The following ARL17B variants were observed in gnomAD, a reference collection of about 807,000 sequenced individuals.
ARL17B encodes the protein ARF like GTPase 17B, also known as ADP-ribosylation factor-like protein 17.
chr17:46,292,080 C>T (rs1204954297), intron 4 of ARL17B, among the ~76,000 whole-genome samples: 2 of 143,730 alleles, frequency 1.4e-5, no homozygotes, highest in Non-Finnish European at 3.0e-5. Flanking sequence ...ACCTGCAATC[C>T]CAGCACTTTG....
At chr17:46,279,679 A>T (rs1000194431) in intron 4 of ARL17B, among the ~76,000 whole-genome samples, 1 of 151,522 alleles carries the variant, frequency 6.6e-6, no homozygotes, top group Admixed American at 6.6e-5. Flanking sequence ...TGTATTTTGT[A>T]AAGATGGGGT....
chr17:46,276,790 C>CTTTTTTT (rs75549659), intron 4 of ARL17B, among the ~76,000 whole-genome samples: 3 of 134,314 alleles, frequency 2.2e-5, no homozygotes, highest in Non-Finnish European at 3.2e-5. Context: ...TTCTTTTTTT[C>CTTTTTTT]TTTTTTTTTT....
At chr17:46,280,890 T>C (rs2049745130) in intron 4 of ARL17B, among the ~76,000 whole-genome samples, 1 of 152,232 alleles carries the variant, frequency 6.6e-6, no homozygotes, top group Non-Finnish European at 1.5e-5. Flanking sequence ...GCACACGCTT[T>C]TAAAAAATAC....
At chr17:46,340,121 C>T (rs2052468536) in intron 3 of ARL17B, among the ~76,000 whole-genome samples, 1 of 100,576 alleles carries the variant, frequency 9.9e-6, no homozygotes, top group Admixed American at 9.9e-5. Context: ...GTCTGCAGGC[C>T]ATATAGTATT....
At chr17:46,277,159 C>A (rs2049613015) in intron 4 of ARL17B, among the ~76,000 whole-genome samples, 1 of 152,210 alleles carries the variant, frequency 6.6e-6, no homozygotes, top group Non-Finnish European at 1.5e-5. Flanking sequence ...CTCCCATGTG[C>A]TTTATTGAAA....
At chr17:46,291,123 G>A (rs2050053960) in intron 4 of ARL17B, among the ~76,000 whole-genome samples, 1 of 152,200 alleles carries the variant, frequency 6.6e-6, no homozygotes, top group Non-Finnish European at 1.5e-5. Flanking sequence ...TCTATTTATA[G>A]AGAGAGACTG....
chr17:46,279,788 C>G (rs921579556), intron 4 of ARL17B, among the ~76,000 whole-genome samples: 7 of 152,230 alleles, frequency 4.6e-5, no homozygotes, highest in African/African-American at 7.2e-5. Flanking sequence ...AACCACCATT[C>G]CCAGCCAACA....
chr17:46,280,214 A>G (rs1453843138), intron 4 of ARL17B, among the ~76,000 whole-genome samples: 2 of 152,178 alleles, frequency 1.3e-5, no homozygotes, highest in Non-Finnish European at 2.9e-5. Context: ...AAACACAAAA[A>G]TTAGCCAGGT....
intron 3 of ARL17B, among the ~76,000 whole-genome samples, chr17:46,324,081 C>A (rs1280630410): frequency 8.4e-6 from 1 of 118,760 alleles, no homozygotes; most frequent in Non-Finnish European, 1.9e-5. Flanking sequence ...GAGTAGTATT[C>A]CGGTTGTGTG....
intron 4 of ARL17B, among the ~76,000 whole-genome samples, chr17:46,283,597 G>A (rs1313956252): frequency 3.9e-5 from 6 of 152,214 alleles, no homozygotes; most frequent in East Asian, 1.9e-4. Flanking sequence ...AAGCTTGGTC[G>A]GAAGACCTTG....
At chr17:46,291,127 G>C (rs554936671) in intron 4 of ARL17B, among the ~76,000 whole-genome samples, 1 of 152,358 alleles carries the variant, frequency 6.6e-6, no homozygotes, top group South Asian at 2.1e-4. Flanking sequence ...TTTATAGAGA[G>C]AGACTGAACT....
At chr17:46,288,378 G>A (rs2469920) in intron 4 of ARL17B, among the ~76,000 whole-genome samples, 18,280 of 145,628 alleles carry the variant, frequency 0.13, no homozygotes, top group Middle Eastern at 0.19. Context: ...GCATGATCTC[G>A]GCTCACTGCA....
chr17:46,305,986 T>C (rs2143645750), intron 3 of ARL17B, among the ~76,000 whole-genome samples: 1 of 79,276 alleles, frequency 1.3e-5, no homozygotes, highest in East Asian at 2.4e-4. Context: ...GAAATCCTGT[T>C]CTAGAGAAAT....
intron 4 of ARL17B, among the ~76,000 whole-genome samples, chr17:46,290,309 A>G (rs2050032120): frequency 1.3e-5 from 2 of 152,158 alleles, no homozygotes; most frequent in Admixed American, 6.6e-5. Flanking sequence ...TCCTTTTTGT[A>G]GAAACAGGGT....
intron 4 of ARL17B, among the ~76,000 whole-genome samples, chr17:46,282,032 A>AT (rs1192168264): frequency 6.6e-6 from 1 of 151,754 alleles, no homozygotes; most frequent in South Asian, 2.1e-4. Flanking sequence ...ATATTCATTT[A>AT]TTTTTTAATT....
chr17:46,276,593 C>T (rs1326508301), intron 4 of ARL17B, among the ~76,000 whole-genome samples: 3 of 152,034 alleles, frequency 2.0e-5, no homozygotes. Context: ...AATGTGCAAA[C>T]AATGCTGGAG....
chr17:46,281,505 C>A (rs2049761722), intron 4 of ARL17B, among the ~76,000 whole-genome samples: 1 of 152,078 alleles, frequency 6.6e-6, no homozygotes. Context: ...TCACAGCTCA[C>A]TGCAGCCTTG....
At chr17:46,292,159 C>T in intron 4 of ARL17B, among the ~76,000 whole-genome samples, 1 of 111,246 alleles carries the variant, frequency 9.0e-6, no homozygotes. Flanking sequence ...TGGTGAAACC[C>T]CGTCTCTACT....
chr17:46,351,615 GAGAAAAAACATTCT>G (rs2144274575), intron 3 of ARL17B, among the ~76,000 whole-genome samples: 1 of 144,166 alleles, frequency 6.9e-6, no homozygotes, highest in African/African-American at 2.6e-5. Flanking sequence ...GCACTACTTT[GAGAAAAAACATTCT>G]AAAATCTATA....
Sources: gnomAD v4.1 joint callset for allele counts (sites outside exome capture counted in the v4.1 genomes callset) on GRCh38, gnomAD v4.1.1 for gene constraint, MANE v1.5 for transcripts, NCBI Gene and HGNC (gene_info 2026-07-23, HGNC 2026-07-21) for gene names.